Variants in RBMS3 observed in about 807,000 individuals in gnomAD.
The protein encoded by RBMS3 is RNA-binding motif, single-stranded-interacting protein 3.
RBMS3 carries 27 observed loss-of-function variants against 66.8 expected under a neutral mutation model. The ratio of observed to expected loss-of-function variants is 0.40; its 90% CI spans 0.30 to 0.56. The LOEUF is 0.56. Among genes scored for constraint, RBMS3 ranks in the 20% least tolerant of loss-of-function variants. The probability of loss-of-function intolerance (pLI) is 0.40; values close to 1 mark genes in which losing one functional copy is unlikely to be tolerated. For synonymous variants in RBMS3, 188 were observed against 183.0 expected (o/e 1.03, Z -0.22); for missense variants, 513 against 549.5 (o/e 0.93, Z 0.66).
At position 29,889,616 on chromosome 3, in the gene RBMS3, G is replaced by A. The variant is rs78671730; in HGVS notation, c.791+5408G>A. Among the ~76,000 whole-genome samples, 553 of 151,810 alleles carry A rather than the reference G, an allele frequency of 3.6e-3. 8 individuals carry two copies. The East Asian group carries it at 0.049, about 13-fold the overall frequency. ...GTACAAGATAATCATCAGTGTAAATGTTGACATTATTGTTGCCCTATGTTT... is the reference window on the plus strand; with the variant it reads ...GTACAAGATAATCATCAGTGTAAATATTGACATTATTGTTGCCCTATGTTT... On this transcript the variant is annotated intron_variant, in intron 8 of 14. Coordinates refer to ENST00000383767, the MANE Select transcript of RBMS3 (RefSeq NM_001003793.3).
chr3:29,366,673 C>T (rs945582000), intron 1 of RBMS3, among the ~76,000 whole-genome samples: 3 of 152,130 alleles, frequency 2.0e-5, no homozygotes, highest in African/African-American at 7.2e-5. Context: ...CCACACCTGG[C>T]GATATCCAAC....
chr3:29,391,722 A>G (rs2039305077), intron 1 of RBMS3, among the ~76,000 whole-genome samples: 1 of 152,216 alleles, frequency 6.6e-6, no homozygotes, highest in African/African-American at 2.4e-5. Flanking sequence ...TGTTCATATC[A>G]ACTTTGCAGT....
intron 3 of RBMS3, among the ~76,000 whole-genome samples, chr3:29,564,216 C>T (rs143238563): frequency 9.9e-5 from 15 of 152,074 alleles, no homozygotes; most frequent in African/African-American, 3.6e-4. Flanking sequence ...GGGGCTCATG[C>T]CTGTAATCCC....
rs59335121 is a variant in RBMS3, at chr3:29,928,180, T to TTATG, written c.940-7903_940-7902insGTAT. Reference sequence around the variant, plus strand: ...AAACTGGTCTGCTCCTCTTCAAATTTTATATATATATATATATATATATAT... The same window carrying TTATG: ...AAACTGGTCTGCTCCTCTTCAAATTTTATGTATATATATATATATATATATATAT... On this transcript the variant is annotated intron_variant, in intron 10 of 14. Coordinates refer to ENST00000383767, the MANE Select transcript of RBMS3 (RefSeq NM_001003793.3). Among the ~76,000 whole-genome samples the TTATG allele has an allele frequency of 0.012, 1,257 of 102,520 alleles. 61 individuals are homozygous for TTATG. The East Asian group carries it at 0.14, about 11-fold the overall frequency. 67.3% of individuals were successfully genotyped at this position (102,520 alleles called of 152,430 possible). A position where few individuals can be genotyped will look rare whatever the true frequency, so the allele number is the denominator to read the frequency against.
chr3:29,393,035 T>G (rs186759854), intron 1 of RBMS3, among the ~76,000 whole-genome samples: 7 of 152,350 alleles, frequency 4.6e-5, no homozygotes, highest in Admixed American at 4.6e-4. Flanking sequence ...TTTCCACAGA[T>G]TGCTTTAACA....
At chr3:29,332,638 G>A (rs964029019) in intron 1 of RBMS3, among the ~76,000 whole-genome samples, 4 of 152,042 alleles carry the variant, frequency 2.6e-5, no homozygotes, top group African/African-American at 4.8e-5. Context: ...ATAAATACTC[G>A]AAACATCCAG....
At chr3:29,909,436 T>C (rs1392542065) in intron 10 of RBMS3, among the ~76,000 whole-genome samples, 3 of 152,152 alleles carry the variant, frequency 2.0e-5, no homozygotes, top group Non-Finnish European at 1.5e-5. Flanking sequence ...AGTCTTTGTA[T>C]ATAAAGTCAT....
intron 4 of RBMS3, among the ~76,000 whole-genome samples, chr3:29,662,473 G>C (rs994427918): frequency 9.9e-5 from 15 of 152,178 alleles, no homozygotes; most frequent in Admixed American, 8.5e-4. Flanking sequence ...ATATTCTTGT[G>C]TTACAAATAT....
intron 6 of RBMS3, among the ~76,000 whole-genome samples, chr3:29,829,056 G>GT (rs1234191094): frequency 8.0e-6 from 1 of 125,494 alleles, no homozygotes; most frequent in Admixed American, 8.3e-5. Flanking sequence ...CTTTTGTTTT[G>GT]TTTTTTGAGA....
At chr3:29,326,014 T>C (rs2035315486) in intron 1 of RBMS3, among the ~76,000 whole-genome samples, 1 of 152,182 alleles carries the variant, frequency 6.6e-6, no homozygotes, top group Non-Finnish European at 1.5e-5. Context: ...CTTGCTTTAT[T>C]AACTTTACAC....
intron 10 of RBMS3, among the ~76,000 whole-genome samples, chr3:29,901,771 G>T (rs2060258360): frequency 6.6e-6 from 1 of 151,788 alleles, no homozygotes; most frequent in Non-Finnish European, 1.5e-5. Context: ...AGGTTTAAAT[G>T]TAATGTTTAT....
At chr3:29,374,152 T>A (rs1426915711) in intron 1 of RBMS3, among the ~76,000 whole-genome samples, 1 of 152,112 alleles carries the variant, frequency 6.6e-6, no homozygotes, top group Admixed American at 6.5e-5. Flanking sequence ...TAACAACCAA[T>A]CCAAAACGGC....
chr3:29,905,020 T>C (rs2060342324), intron 10 of RBMS3, among the ~76,000 whole-genome samples: 1 of 152,086 alleles, frequency 6.6e-6, no homozygotes, highest in African/African-American at 2.4e-5. Flanking sequence ...TTGGTATTTA[T>C]GTATTCAAAT....
At chr3:29,716,678 G>A (rs1323282638) in intron 4 of RBMS3, among the ~76,000 whole-genome samples, 2 of 152,148 alleles carry the variant, frequency 1.3e-5, no homozygotes, top group East Asian at 1.9e-4. Context: ...CCCTTGTGTA[G>A]GATACTTAGT....
intron 2 of RBMS3, among the ~76,000 whole-genome samples, chr3:29,456,271 A>C (rs2042187052): frequency 6.6e-6 from 1 of 152,206 alleles, no homozygotes; most frequent in Non-Finnish European, 1.5e-5. Context: ...TTGAGTGTTT[A>C]ATTCAGAAGA....
At chr3:29,918,316 T>A (rs1292582497) in intron 10 of RBMS3, among the ~76,000 whole-genome samples, 4 of 152,164 alleles carry the variant, frequency 2.6e-5, no homozygotes, top group Admixed American at 2.6e-4. Context: ...GCATATGAAG[T>A]AAGATATTTT....
chr3:29,729,951 T>G (rs1034315969), intron 4 of RBMS3, among the ~76,000 whole-genome samples: 1 of 151,946 alleles, frequency 6.6e-6, no homozygotes, highest in Non-Finnish European at 1.5e-5. Context: ...AATATAAACA[T>G]AATGAATTTA....
chr3:29,935,694 A>C lies in RBMS3; in HGVS notation c.940-392A>C, dbSNP rs574821463. On this transcript the variant is annotated intron_variant, in intron 10 of 14. Transcript: ENST00000383767. ...TTAATAAGTAATAGATAAATGACAT[A>C]AACCAAGTCTTATCAAATAACAAGA... Among the ~76,000 whole-genome samples, 28 of 152,266 alleles carry C rather than the reference A, an allele frequency of 1.8e-4. 1 individual carries two copies. The South Asian group carries it at 5.8e-3, about 32-fold the overall frequency.
chr3:29,838,066 G>T (rs2058570252), intron 6 of RBMS3, among the ~76,000 whole-genome samples: 1 of 150,596 alleles, frequency 6.6e-6, no homozygotes, highest in Non-Finnish European at 1.5e-5. Flanking sequence ...GGTGGGTCAT[G>T]CCTGTAATCC....
Sources: allele counts gnomAD v4.1 joint callset (sites outside exome capture counted in the v4.1 genomes callset), GRCh38; gene constraint gnomAD v4.1.1; transcripts MANE v1.5; gene names NCBI Gene and HGNC (gene_info 2026-07-23, HGNC 2026-07-21).